The following PCDH11X variants were observed in gnomAD, a reference collection of about 807,000 sequenced individuals.
PCDH11X encodes protocadherin-11 X-linked.
PCDH11X carries 18 observed loss-of-function variants against 53.3 expected under a neutral mutation model. That is an observed-to-expected ratio of 0.34 (90% CI 0.23 to 0.50). The LOEUF (loss-of-function observed/expected upper bound fraction) is 0.50. Ranked by LOEUF, PCDH11X falls within the 20% of genes least tolerant of loss-of-function variation. PCDH11X has a pLI of 0.98. For synonymous variants in PCDH11X, 279 were observed against 393.3 expected (o/e 0.71, Z 3.44); for missense variants, 570 against 1,032.4 (o/e 0.55, Z 6.14).
chrX:92,088,341 C>A (rs2063993517), intron 6 of PCDH11X, among the ~76,000 whole-genome samples: 1 of 111,043 alleles, frequency 9.0e-6, no homozygotes, highest in Non-Finnish European at 1.9e-5. Context: ...AATTATGTCA[C>A]TGTTTTAGAT....
chrX:91,782,461 C>T lies in PCDH11X; in HGVS notation c.-379+2777C>T, dbSNP rs758041009. On this transcript the variant is annotated intron_variant, in intron 1 of 10. Coordinates refer to ENST00000682573, the MANE Select transcript of PCDH11X (RefSeq NM_032968.5). Reference sequence around the variant, plus strand: ...GTGTTAAATTTCTGCTGTTTTCTCTCCCCTCGGGTGATAAAAAAGATGTGA... The same window carrying T: ...GTGTTAAATTTCTGCTGTTTTCTCTTCCCTCGGGTGATAAAAAAGATGTGA... 2.9e-3 allele frequency among the ~76,000 whole-genome samples: 320 copies of T among 108,527 alleles called. 3 individuals are homozygous for T. The highest frequency in any genetic ancestry group is 0.01 in the African/African-American group (296 of 29,534). The allele number at this position is 108,527 out of a possible 115,157, so 94.2% of individuals were successfully genotyped here. A position where few individuals can be genotyped will look rare whatever the true frequency, so the allele number is the denominator to read the frequency against.
Position 92,622,722 on chromosome X carries a change from A to C in PCDH11X, c.*3782A>C, listed in dbSNP as rs1218206088. ...TATATTATGTGCCAATTACCACACC[A>C]GATCAATTTTATGCAGAGGCCTTAA... On this transcript the variant is annotated 3_prime_UTR_variant, in exon 11 of 11. Coordinates refer to ENST00000682573, the MANE Select transcript of PCDH11X (RefSeq NM_032968.5). 9.1e-6 allele frequency: 1 copy of C among 110,165 alleles called. No individual in the cohort carries two copies. Among genetic ancestry groups the C allele is most frequent in the Non-Finnish European group, 1.9e-5 (1 of 52,527 alleles). The allele number at this position is 110,165 out of a possible 1,213,427, so 9.1% of individuals were successfully genotyped here.
chrX:92,492,142 C>T (rs1291459564), intron 10 of PCDH11X, among the ~76,000 whole-genome samples: 5 of 112,010 alleles, frequency 4.5e-5, no homozygotes, highest in Non-Finnish European at 9.4e-5. Context: ...CTTATAAGAA[C>T]TACTGTGAGC....
chrX:92,284,793 C>T (rs5942198), intron 8 of PCDH11X, among the ~76,000 whole-genome samples: 18,877 of 111,397 alleles, frequency 0.17, 1,491 homozygotes, highest in Non-Finnish European at 0.24. Context: ...CAACTCTCAA[C>T]GGCTTTGTTG....
intron 6 of PCDH11X, among the ~76,000 whole-genome samples, chrX:91,932,471 G>A (rs2061398374): frequency 1.0e-5 from 1 of 99,406 alleles, no homozygotes; most frequent in Admixed American, 1.1e-4. Flanking sequence ...CATGGGAAGA[G>A]GGAAAGGGGA....
Position 92,509,155 on chromosome X carries a change from G to A in PCDH11X, c.3367+40833G>A, listed in dbSNP as rs997931236. 7.5e-4 allele frequency among the ~76,000 whole-genome samples: 79 copies of A among 105,201 alleles called. 1 individual carries two copies. The highest frequency in any genetic ancestry group is 1.2e-3 in the Non-Finnish European group (59 of 51,240). The allele number at this position is 105,201 out of a possible 115,157, so 91.4% of individuals were successfully genotyped here. ...GTTACAGAAAGCAGCAGTTGCTCTT[G>A]AAGTTAAGCTGCTCTGTCACATACC... is the stretch of plus-strand genomic sequence containing the variant. On this transcript the variant is annotated intron_variant, in intron 10 of 10. Coordinates refer to ENST00000682573, the MANE Select transcript of PCDH11X (RefSeq NM_032968.5).
chrX:92,434,676 ATT>A (rs35680450), intron 9 of PCDH11X, among the ~76,000 whole-genome samples: 3 of 101,864 alleles, frequency 2.9e-5, no homozygotes, highest in African/African-American at 1.2e-4. Context: ...CAAGTAGCTA[ATT>A]TTTTTTTTAT....
chrX:92,205,858 C>T lies in PCDH11X; in HGVS notation c.3114+4403C>T, dbSNP rs780587129. The stretch of plus-strand genomic sequence containing the variant: ...TCAGGTGATCCACCTGCCTCAGCTT[C>T]CCAAAATGCTGAGATTACAGGCATG... On this transcript the variant is annotated intron_variant, in intron 7 of 10. Transcript: ENST00000682573. Among the ~76,000 whole-genome samples, 6 of 111,127 alleles carry T rather than the reference C, an allele frequency of 5.4e-5. 1 individual carries two copies. In the East Asian group the frequency reaches 1.7e-3, roughly 32 times the overall value.
Position 92,493,646 on chromosome X carries a change from C to CTTTT in PCDH11X, c.3367+25339_3367+25342dup, listed in dbSNP as rs780482413. 1.3e-4 allele frequency among the ~76,000 whole-genome samples: 11 copies of CTTTT among 83,854 alleles called. No homozygotes were observed. In the South Asian group the frequency reaches 1.9e-3, roughly 15 times the overall value. 72.8% of individuals were successfully genotyped at this position (83,854 alleles called of 115,157 possible). ...ACTTACATAATGTTTGCCCCCTTAACTTTTTTTTTTTTTTTTTTGAGACAG... is the reference window on the plus strand; with the variant it reads ...ACTTACATAATGTTTGCCCCCTTAACTTTTTTTTTTTTTTTTTTTTTTGAGACAG... On this transcript the variant is annotated intron_variant, in intron 10 of 10. Transcript: ENST00000682573.
intron 10 of PCDH11X, among the ~76,000 whole-genome samples, chrX:92,574,685 C>T (rs896835192): frequency 2.7e-5 from 3 of 110,829 alleles, no homozygotes; most frequent in Admixed American, 1.9e-4. Context: ...TTCCTCATAT[C>T]GAGTGCACAG....
At chrX:91,941,380 T>C (rs2061507220) in intron 6 of PCDH11X, among the ~76,000 whole-genome samples, 1 of 111,327 alleles carries the variant, frequency 9.0e-6, no homozygotes, top group Admixed American at 9.6e-5. Flanking sequence ...TTATACATTA[T>C]GTAAACAATA....
intron 8 of PCDH11X, among the ~76,000 whole-genome samples, chrX:92,285,279 G>A (rs768443403): frequency 1.4e-4 from 11 of 78,931 alleles, no homozygotes; most frequent in African/African-American, 5.4e-4. Flanking sequence ...TTGAGACGGA[G>A]TTTCACTCTT....
In PCDH11X at chrX:92,463,177, G is replaced by A. The variant is rs1466367272; in HGVS notation, c.3344-5122G>A. ...AACAATTATATTCTATTTCTCTTAA[G>A]GACTAAGTTAAATTGCTAATTAGTA... is the stretch of plus-strand genomic sequence containing the variant. On this transcript the variant is annotated intron_variant, in intron 9 of 10. Transcript: ENST00000682573. Among the ~76,000 whole-genome samples the A allele has an allele frequency of 4.5e-5, 5 of 110,286 alleles. No homozygotes were observed. The East Asian group carries it at 1.4e-3, about 31-fold the overall frequency.
At chrX:91,931,664 A>T (rs192682106) in intron 6 of PCDH11X, among the ~76,000 whole-genome samples, 3,531 of 109,775 alleles carry the variant, frequency 0.032, 65 homozygotes, top group Non-Finnish European at 0.046. Context: ...GATGTGCATT[A>T]TCTGGTCTTT....
intron 6 of PCDH11X, among the ~76,000 whole-genome samples, chrX:91,892,611 T>C (rs1940548741): frequency 9.0e-6 from 1 of 111,167 alleles, no homozygotes; most frequent in South Asian, 3.8e-4. Flanking sequence ...TGAGGACTTT[T>C]TTTTTTGTTA....
chrX:92,529,131 A>AG (rs1260692183), intron 10 of PCDH11X, among the ~76,000 whole-genome samples: 1 of 111,660 alleles, frequency 9.0e-6, no homozygotes, highest in African/African-American at 3.3e-5. Context: ...AATTTTCTGG[A>AG]GAAAAAAACA....
At chrX:92,096,804 C>T (rs1377234669) in intron 6 of PCDH11X, among the ~76,000 whole-genome samples, 3 of 111,078 alleles carry the variant, frequency 2.7e-5, no homozygotes, top group Non-Finnish European at 5.7e-5. Context: ...GGATCACTCC[C>T]ACAACATGTG....
At chrX:92,565,365 C>T (rs1461618073) in intron 10 of PCDH11X, among the ~76,000 whole-genome samples, 1 of 102,398 alleles carries the variant, frequency 9.8e-6, no homozygotes, top group Non-Finnish European at 2.0e-5. Flanking sequence ...TTACAATAGC[C>T]AATATTTGGA....
At chrX:92,251,986 C>G (rs994608821) in intron 7 of PCDH11X, among the ~76,000 whole-genome samples, 1 of 111,031 alleles carries the variant, frequency 9.0e-6, no homozygotes, top group African/African-American at 3.3e-5. Flanking sequence ...ATAGAAATAC[C>G]TAGGTGCATT....
Sources: gnomAD v4.1 joint callset for allele counts (sites outside exome capture counted in the v4.1 genomes callset) on GRCh38, gnomAD v4.1.1 for gene constraint, MANE v1.5 for transcripts, NCBI Gene and HGNC (gene_info 2026-07-23, HGNC 2026-07-21) for gene names.